BIN3: variants seen among roughly 807,000 people sequenced by gnomAD.
BIN3 encodes the protein bridging integrator 3.
BIN3 carries 41 observed loss-of-function variants against 38.2 expected under a neutral mutation model. The ratio of observed to expected loss-of-function variants is 1.07; its 90% CI spans 0.84 to 1.39. The LOEUF (loss-of-function observed/expected upper bound fraction) is 1.39, where lower values mean the gene tolerates loss of function less well. BIN3 is among the 40% of genes most tolerant of loss of function. The pLI, the probability that BIN3 is intolerant of heterozygous loss-of-function variation, is 0.00. For missense variants in BIN3, 361 were observed against 324.3 expected (o/e 1.11, Z -0.87); for synonymous variants, 145 against 122.6 (o/e 1.18, Z -1.21).
chr8:22,625,894 TAAAAAGCCTCAGCAAATCAAG>T (rs1801991034), intron 6 of BIN3: 1 of 154,788 alleles, frequency 6.5e-6, no homozygotes. Context: ...GGCCTGTTTT[TAAAAAGCCTCAGCAAATCAAG>T]TGTACATTTG....
chr8:22,630,385 A>G (rs976531514), intron 5 of BIN3, 57 bp downstream of exon 5: 3 of 1,602,886 alleles, frequency 1.9e-6, no homozygotes, highest in East Asian at 4.5e-5. Context: ...CAGTCCACCC[A>G]GAGGCCCAGA....
At chr8:22,636,161 G>A (rs544224067) in intron 4 of BIN3, among the ~76,000 whole-genome samples, 10 of 152,314 alleles carry the variant, frequency 6.6e-5, no homozygotes, top group South Asian at 6.2e-4. Context: ...AGCAGGCCAC[G>A]GAGTCTCGTT....
intron 1 of BIN3, among the ~76,000 whole-genome samples, chr8:22,663,559 T>G (rs1019693070): frequency 6.6e-6 from 1 of 152,180 alleles, no homozygotes; most frequent in African/African-American, 2.4e-5. Flanking sequence ...AATCATTGCT[T>G]TGGCCATGCC....
chr8:22,645,772 A>G (rs182283998), intron 1 of BIN3, among the ~76,000 whole-genome samples: 1 of 152,356 alleles, frequency 6.6e-6, no homozygotes, highest in Admixed American at 6.5e-5. Context: ...ATAGAGGGGC[A>G]AACTTTGGAT....
chr8:22,621,761 G>C (rs532169550), intron 8 of BIN3, among the ~76,000 whole-genome samples, 193 bp from the exon 9 acceptor site: 1 of 152,182 alleles, frequency 6.6e-6, no homozygotes, highest in African/African-American at 2.4e-5. Flanking sequence ...GGGAGCAACA[G>C]GGCCTCAGTG....
chr8:22,659,239 A>G (rs1042066802), intron 1 of BIN3, among the ~76,000 whole-genome samples: 4 of 152,224 alleles, frequency 2.6e-5, no homozygotes, highest in African/African-American at 9.6e-5. Context: ...CTGAGCTGGA[A>G]ATCAGTCCTT....
At chr8:22,633,412 C>T (rs1488224378) in intron 4 of BIN3, among the ~76,000 whole-genome samples, 1 of 152,236 alleles carries the variant, frequency 6.6e-6, no homozygotes, top group Non-Finnish European at 1.5e-5. Context: ...GGGGCACAGT[C>T]AGCCTGGCCC....
At chr8:22,653,464 CTA>C (rs1363003631) in intron 1 of BIN3, among the ~76,000 whole-genome samples, 1 of 152,216 alleles carries the variant, frequency 6.6e-6, no homozygotes, top group Non-Finnish European at 1.5e-5. Flanking sequence ...AATTTTCTCT[CTA>C]GTTTTTAAGT....
At chr8:22,652,727 G>A (rs1447192926) in intron 1 of BIN3, among the ~76,000 whole-genome samples, 1 of 152,020 alleles carries the variant, frequency 6.6e-6, no homozygotes, top group Non-Finnish European at 1.5e-5. Flanking sequence ...GCAGAGAAAA[G>A]AGCAAAACAA....
intron 2 of BIN3, among the ~76,000 whole-genome samples, chr8:22,639,074 T>G (rs1802457778): frequency 6.6e-6 from 1 of 152,154 alleles, no homozygotes; most frequent in Non-Finnish European, 1.5e-5. Flanking sequence ...GAAATTTGCT[T>G]TGGTGTGAAG....
chr8:22,666,077 C>T (rs1191394373), intron 1 of BIN3, among the ~76,000 whole-genome samples: 1 of 152,066 alleles, frequency 6.6e-6, no homozygotes, highest in Non-Finnish European at 1.5e-5. Context: ...AATTTCCTTC[C>T]TTTTTGTCAA....
At chr8:22,630,418 C>G in intron 5 of BIN3, 24 bp downstream of exon 5, 9 of 1,612,906 alleles carry the variant, frequency 5.6e-6, no homozygotes, top group Non-Finnish European at 7.6e-6. Flanking sequence ...CATGCTTGCC[C>G]ACCCCACACC....
intron 6 of BIN3, among the ~76,000 whole-genome samples, chr8:22,627,099 G>A (rs1016368429): frequency 1.3e-5 from 2 of 152,198 alleles, no homozygotes; most frequent in South Asian, 2.1e-4. Flanking sequence ...GAAAACCTCC[G>A]TTTCCCATGA....
At chr8:22,661,028 C>T (rs968832508) in intron 1 of BIN3, among the ~76,000 whole-genome samples, 3 of 152,134 alleles carry the variant, frequency 2.0e-5, no homozygotes, top group African/African-American at 4.8e-5. Context: ...GGACTACAGG[C>T]TTGCACCACT....
rs1024487038 is a variant in BIN3, at chr8:22,623,678, C to T, written c.615+237G>A. Among the ~76,000 whole-genome samples, 26 of 152,218 alleles carry T rather than the reference C, an allele frequency of 1.7e-4. 1 individual carries two copies. Among genetic ancestry groups the T allele is most frequent in the Admixed American group, 6.5e-4 (10 of 15,288 alleles). On this transcript the variant is annotated intron_variant, in intron 8 of 8. Transcript: ENST00000276416. ...GAACTGCTGGACCAAAAGGGAACCT[C>T]GGCCATTCCTGGTATGGGATTTACC... is the stretch of plus-strand genomic sequence containing the variant.
chr8:22,657,214 G>A (rs187408989), intron 1 of BIN3, among the ~76,000 whole-genome samples: 21 of 152,332 alleles, frequency 1.4e-4, no homozygotes, highest in East Asian at 5.8e-4. Context: ...TAAAATAAGC[G>A]CATTGCCCAA....
chr8:22,667,971 T>C (rs988996853), intron 1 of BIN3, among the ~76,000 whole-genome samples: 1 of 152,208 alleles, frequency 6.6e-6, no homozygotes, highest in Non-Finnish European at 1.5e-5. Flanking sequence ...TCATAACTGG[T>C]TATCATGCGC....
At chr8:22,648,337 A>AGG (rs1181332833) in intron 1 of BIN3, among the ~76,000 whole-genome samples, 2 of 152,012 alleles carry the variant, frequency 1.3e-5, no homozygotes, top group African/African-American at 4.8e-5. Flanking sequence ...CAGTTCCAGC[A>AGG]TCCCACCCAG....
At chr8:22,651,321 G>C (rs914270081) in intron 1 of BIN3, among the ~76,000 whole-genome samples, 1 of 152,054 alleles carries the variant, frequency 6.6e-6, no homozygotes, top group South Asian at 2.1e-4. Context: ...TGCATCTTCC[G>C]GACAGTCTGC....
Sources: allele counts gnomAD v4.1 joint callset (sites outside exome capture counted in the v4.1 genomes callset), GRCh38; gene constraint gnomAD v4.1.1; transcripts MANE v1.5; gene names NCBI Gene and HGNC (gene_info 2026-07-23, HGNC 2026-07-21).